The following NHERF4 variants were observed in gnomAD, a reference collection of about 807,000 sequenced individuals.
NHERF4 encodes NHERF family PDZ scaffold protein 4.
the NHERF4 span, chr11:119,186,328 C>T: frequency 6.4e-7 from 1 of 1,566,716 alleles, no homozygotes; most frequent in Non-Finnish European, 8.7e-7. This position sits in a 1 kb window ranked among gnomAD's most constrained non-coding sequence, Gnocchi z 4.4. Context: ...TGTCCCAGTC[C>T]CTCTGCCCAC....
the NHERF4 span, chr11:119,188,435 G>A: frequency 6.2e-7 from 1 of 1,613,574 alleles, no homozygotes; most frequent in Non-Finnish European, 8.5e-7. Context: ...GGTGGCTGTG[G>A]CTGGGGAGAG....
the NHERF4 span, chr11:119,188,687 C>T: frequency 3.1e-6 from 5 of 1,614,054 alleles, no homozygotes; most frequent in African/African-American, 2.7e-5. Flanking sequence ...AGGCTCCCGC[C>T]TCGCCCCGGG....
the NHERF4 span, chr11:119,189,942 G>A: frequency 1.2e-5 from 4 of 332,672 alleles, no homozygotes; most frequent in Middle Eastern, 9.1e-4. The surrounding 1 kb of genome is among the most constrained non-coding windows in gnomAD (Gnocchi z 5.8). Flanking sequence ...ATGGCCATTC[G>A]CCATAAATCT....
chr11:119,185,957 G>T, the NHERF4 span: 6 of 1,614,196 alleles, frequency 3.7e-6, no homozygotes, highest in Non-Finnish European at 4.2e-6. Context: ...AACTCTGTAA[G>T]TGCCACGAGG....
At chr11:119,188,307 G>A in the NHERF4 span, 1 of 1,608,562 alleles carries the variant, frequency 6.2e-7, no homozygotes, top group Non-Finnish European at 8.5e-7. Context: ...TGTGTACACA[G>A]TGGCCTAGGA....
At chr11:119,188,114 C>T in the NHERF4 span, 11 of 1,548,476 alleles carry the variant, frequency 7.1e-6, no homozygotes, top group East Asian at 7.3e-5. Context: ...GTTCCTGCTC[C>T]GGGAGGAAAA....
chr11:119,188,330 A>G, the NHERF4 span: 1 of 1,612,804 alleles, frequency 6.2e-7, no homozygotes. Flanking sequence ...GCTGGAGAGG[A>G]GCAGTGAGGA....
the NHERF4 span, chr11:119,185,570 G>A: frequency 6.5e-6 from 10 of 1,529,638 alleles, no homozygotes; most frequent in East Asian, 6.7e-5. Flanking sequence ...GGCCGACTTG[G>A]AGGCTGAAGC....
chr11:119,185,994 G>T, the NHERF4 span: 2 of 1,614,022 alleles, frequency 1.2e-6, no homozygotes, highest in Admixed American at 1.7e-5. Flanking sequence ...GAAATAATTG[G>T]AGGCAGCGAA....
chr11:119,188,824 G>T, the NHERF4 span: 1 of 1,614,180 alleles, frequency 6.2e-7, no homozygotes, highest in Non-Finnish European at 8.5e-7. Context: ...TATGGCTTCC[G>T]ACTCAGTTGT....
At chr11:119,186,826 G>A in the NHERF4 span, 1 of 912,654 alleles carries the variant, frequency 1.1e-6, no homozygotes, top group Non-Finnish European at 1.6e-6. The surrounding 1 kb of genome is among the most constrained non-coding windows in gnomAD (Gnocchi z 4.4). Flanking sequence ...CAAGTCAGAG[G>A]GGTAGGGAAA....
the NHERF4 span, chr11:119,185,701 C>T: frequency 2.6e-6 from 2 of 772,606 alleles, no homozygotes; most frequent in Admixed American, 2.1e-5. Flanking sequence ...CTGATATGCT[C>T]AGATTTATGT....
chr11:119,187,459 G>C, the NHERF4 span: 1 of 1,613,986 alleles, frequency 6.2e-7, no homozygotes, highest in Non-Finnish European at 8.5e-7. Flanking sequence ...TGTCACCCAT[G>C]GTGAGCCCAG....
the NHERF4 span, chr11:119,189,245 G>T: frequency 6.4e-7 from 1 of 1,569,484 alleles, no homozygotes; most frequent in East Asian, 2.3e-5. The surrounding 1 kb of genome is among the most constrained non-coding windows in gnomAD (Gnocchi z 5.8). Context: ...AGTAGCTACA[G>T]AGGGCAGGGA....
chr11:119,186,161 C>T, the NHERF4 span: 1 of 1,614,192 alleles, frequency 6.2e-7, no homozygotes, highest in South Asian at 1.1e-5. This position sits in a 1 kb window ranked among gnomAD's most constrained non-coding sequence, Gnocchi z 4.4. Flanking sequence ...ACCACGACCC[C>T]TATGGTAACT....
chr11:119,186,224 C>T, the NHERF4 span: 58 of 1,614,008 alleles, frequency 3.6e-5, 1 homozygote, highest in East Asian at 4.5e-4. This position sits in a 1 kb window ranked among gnomAD's most constrained non-coding sequence, Gnocchi z 4.4. Context: ...CGGCTCCACA[C>T]GGCCTCCGAT....
chr11:119,186,654 G>T, the NHERF4 span: 1 of 1,611,088 alleles, frequency 6.2e-7, no homozygotes, highest in South Asian at 1.1e-5. The surrounding 1 kb of genome is among the most constrained non-coding windows in gnomAD (Gnocchi z 4.4). Context: ...TCCTGGCGGT[G>T]AACAATGATG....
At chr11:119,188,538 G>A in the NHERF4 span, 171 of 1,598,520 alleles carry the variant, frequency 1.1e-4, 1 homozygote, top group African/African-American at 1.9e-3. Flanking sequence ...GAGGCGGACC[G>A]CTTCTTCAGC....
the NHERF4 span, chr11:119,187,682 C>A: frequency 6.6e-7 from 1 of 1,521,648 alleles, no homozygotes; most frequent in Non-Finnish European, 8.8e-7. Context: ...AGTTCACTCA[C>A]AACCAACTCA....
Sources: gnomAD v4.1 joint callset for allele counts on GRCh38, gnomAD v4.1.1 for gene constraint, Gnocchi (gnomAD v3.1) non-coding constraint, MANE v1.5 for transcripts, NCBI Gene and HGNC (gene_info 2026-07-23, HGNC 2026-07-21) for gene names.